The following PLXNA4 variants were observed in gnomAD, a reference collection of about 807,000 sequenced individuals.
The protein encoded by PLXNA4 is plexin-A4.
In PLXNA4, 44 loss-of-function variants were observed where a neutral mutation model predicts 191.8. The observed-to-expected ratio is 0.23, with a 90% confidence interval of 0.18 to 0.29. The LOEUF is 0.29. Ranked by LOEUF, PLXNA4 falls within the 10% of genes least tolerant of loss-of-function variation. PLXNA4 has a pLI of 1.00. For missense variants in PLXNA4, 1,800 were observed against 2,488.8 expected (o/e 0.72, Z 5.89); for synonymous variants, 1,082 against 1,009.5 (o/e 1.07, Z -1.36).
At chr7:132,581,782 C>A (rs1415287072), upstream of PLXNA4, among the ~76,000 whole-genome samples, 5 of 152,318 alleles carry the variant, frequency 3.3e-5, no homozygotes, top group Middle Eastern at 3.4e-3. Context: ...CAAAATAACT[C>A]CCATGCCTCC....
chr7:132,182,765 T>C (rs1467118396), intron 16 of PLXNA4, among the ~76,000 whole-genome samples: 1 of 152,206 alleles, frequency 6.6e-6, no homozygotes, highest in East Asian at 1.9e-4. Flanking sequence ...GAAATGCTTT[T>C]GGACTCGGGT....
At chr7:132,156,757 GAAC>G (rs1218017674) in intron 25 of PLXNA4, among the ~76,000 whole-genome samples, 1 of 152,206 alleles carries the variant, frequency 6.6e-6, no homozygotes, top group African/African-American at 2.4e-5. Flanking sequence ...TACATGATGG[GAAC>G]AACTTGCCTT....
chr7:132,411,997 G>T (rs1021651097), intron 3 of PLXNA4, among the ~76,000 whole-genome samples: 1 of 152,012 alleles, frequency 6.6e-6, no homozygotes, highest in African/African-American at 2.4e-5. Flanking sequence ...TGTCCACAGG[G>T]AGCCTTTCTC....
At chr7:132,301,788 T>C (rs1041607803) in intron 3 of PLXNA4, among the ~76,000 whole-genome samples, 4 of 152,266 alleles carry the variant, frequency 2.6e-5, no homozygotes, top group African/African-American at 7.2e-5. Flanking sequence ...TTCTAAATAA[T>C]GATCCCTTAT....
At chr7:132,524,217 A>G (rs1799309204) in intron 1 of PLXNA4, among the ~76,000 whole-genome samples, 1 of 152,206 alleles carries the variant, frequency 6.6e-6, no homozygotes, top group South Asian at 2.1e-4. Context: ...CCTTGGCTGG[A>G]AGAACGGGAT....
chr7:132,260,061 G>C (rs1469409009), intron 4 of PLXNA4, among the ~76,000 whole-genome samples: 1 of 152,124 alleles, frequency 6.6e-6, no homozygotes, highest in Non-Finnish European at 1.5e-5. Context: ...CTATCGGTGG[G>C]AGTGTAAATT....
At chr7:132,538,974 T>C (rs1218804204) in intron 1 of PLXNA4, among the ~76,000 whole-genome samples, 1 of 152,254 alleles carries the variant, frequency 6.6e-6, no homozygotes, top group Non-Finnish European at 1.5e-5. Flanking sequence ...AGCTCCTGAA[T>C]ACAGGTTTCA....
At chr7:132,527,027 C>T (rs1799426740) in intron 1 of PLXNA4, among the ~76,000 whole-genome samples, 1 of 152,196 alleles carries the variant, frequency 6.6e-6, no homozygotes, top group African/African-American at 2.4e-5. Flanking sequence ...ACTTTTATCA[C>T]CCCCAGGCCC....
intron 5 of PLXNA4, among the ~76,000 whole-genome samples, chr7:132,234,465 G>A (rs913548526): frequency 5.9e-5 from 9 of 152,176 alleles, no homozygotes; most frequent in Admixed American, 2.6e-4. Flanking sequence ...AGCTCCTCTG[G>A]TTGTCCACAG....
intron 4 of PLXNA4, among the ~76,000 whole-genome samples, chr7:132,286,969 T>C (rs1800704422): frequency 6.6e-6 from 1 of 152,176 alleles, no homozygotes; most frequent in African/African-American, 2.4e-5. Flanking sequence ...AGCTGGTGCC[T>C]GGAGCTCAAC....
At chr7:132,224,534 T>C (rs896898096) in intron 8 of PLXNA4, among the ~76,000 whole-genome samples, 14 of 152,180 alleles carry the variant, frequency 9.2e-5, no homozygotes, top group Admixed American at 3.9e-4. Context: ...AGTCTTTGTG[T>C]TGCATTGATT....
intron 3 of PLXNA4, among the ~76,000 whole-genome samples, chr7:132,466,605 C>G (rs1796714222): frequency 6.6e-6 from 1 of 152,166 alleles, no homozygotes. Flanking sequence ...GTCCAGCCCT[C>G]CCAAGATGCA....
chr7:132,284,379 G>T (rs1158988110), intron 4 of PLXNA4, among the ~76,000 whole-genome samples: 1 of 152,212 alleles, frequency 6.6e-6, no homozygotes, highest in Admixed American at 6.5e-5. Flanking sequence ...CACGTGTCAT[G>T]CTTCATGTGA....
At chr7:132,313,746 T>C (rs1387382297) in intron 3 of PLXNA4, among the ~76,000 whole-genome samples, 3 of 152,038 alleles carry the variant, frequency 2.0e-5, no homozygotes, top group South Asian at 4.1e-4. Context: ...CTTAGGACAA[T>C]TGAGTCACTG....
chr7:132,250,260 CT>C (rs1799201476), intron 4 of PLXNA4, among the ~76,000 whole-genome samples: 1 of 152,178 alleles, frequency 6.6e-6, no homozygotes, highest in African/African-American at 2.4e-5. Context: ...TAAAATGCCC[CT>C]GTGATGGGTG....
chr7:132,595,960 T>C (rs1159999036), intron 2 of PLXNA4, among the ~76,000 whole-genome samples: 1 of 152,166 alleles, frequency 6.6e-6, no homozygotes, highest in East Asian at 1.9e-4. Context: ...TTAATAATAT[T>C]CCATTATATT....
intron 29 of PLXNA4, among the ~76,000 whole-genome samples, chr7:132,143,329 G>C (rs1034407838): frequency 6.6e-6 from 1 of 152,158 alleles, no homozygotes; most frequent in Non-Finnish European, 1.5e-5. Context: ...CTGAGTACTT[G>C]GAAGAGCTGG....
At chr7:132,248,300 C>A (rs1039997349) in intron 4 of PLXNA4, among the ~76,000 whole-genome samples, 1 of 152,168 alleles carries the variant, frequency 6.6e-6, no homozygotes, top group Admixed American at 6.5e-5. Context: ...GCAGAACTGC[C>A]CAGCTGAGTT....
chr7:132,401,342 G>A (rs1387880274), intron 3 of PLXNA4, among the ~76,000 whole-genome samples: 1 of 152,208 alleles, frequency 6.6e-6, no homozygotes, highest in Non-Finnish European at 1.5e-5. Flanking sequence ...CGCTTCCAGT[G>A]TCTGATTTAA....
Sources: allele counts gnomAD v4.1 joint callset (sites outside exome capture counted in the v4.1 genomes callset), GRCh38; gene constraint gnomAD v4.1.1; transcripts MANE v1.5; gene names NCBI Gene and HGNC (gene_info 2026-07-23, HGNC 2026-07-21).